Variants in DCBLD1 observed in about 807,000 individuals in gnomAD.
DCBLD1 encodes discoidin, CUB and LCCL domain-containing protein 1.
Under a neutral mutation model 71.5 loss-of-function variants are expected in DCBLD1, and 57 were observed. That is an observed-to-expected ratio of 0.80 (90% CI 0.64 to 0.99). The LOEUF is 0.99. Ranked by LOEUF, DCBLD1 falls within the 50% of genes least tolerant of loss-of-function variation. The pLI, the probability that DCBLD1 is intolerant of heterozygous loss-of-function variation, is 0.00. For synonymous variants in DCBLD1, 380 were observed against 363.8 expected (o/e 1.04, Z -0.51); for missense variants, 891 against 923.5 (o/e 0.96, Z 0.46).
intron 2 of DCBLD1, among the ~76,000 whole-genome samples, chr6:117,510,381 A>ACACACACACACACACGTAAAAGTAAACC (rs1321816524): frequency 6.6e-6 from 1 of 151,776 alleles, no homozygotes; most frequent in African/African-American, 2.4e-5. Flanking sequence ...ACACACACAC[A>ACACACACACACACACGTAAAAGTAAACC]CGTAAAAGTA....
chr6:117,559,233 C>G (rs1173509310), intron 14 of DCBLD1, among the ~76,000 whole-genome samples: 1 of 152,150 alleles, frequency 6.6e-6, no homozygotes, highest in Non-Finnish European at 1.5e-5. Flanking sequence ...TGCTGTGCAA[C>G]AGATTTATTA....
At chr6:117,531,792 G>C (rs1225708480) in intron 5 of DCBLD1, among the ~76,000 whole-genome samples, 1 of 152,186 alleles carries the variant, frequency 6.6e-6, no homozygotes, top group Non-Finnish European at 1.5e-5. Flanking sequence ...TGATAACTTG[G>C]CATGTGTGTC....
chr6:117,525,629 G>C (rs538764350), intron 5 of DCBLD1, among the ~76,000 whole-genome samples, 195 bp downstream of exon 5: 1 of 152,200 alleles, frequency 6.6e-6, no homozygotes, highest in African/African-American at 2.4e-5. Context: ...AGCATTTCCA[G>C]CTAAGCTTAC....
Position 117,548,110 on chromosome 6 carries a change from C to T in DCBLD1, c.1819C>T (p.Arg607Trp). 1.3e-6 allele frequency: 2 copies of T among 1,549,592 alleles called. No homozygotes were observed. The highest frequency in any genetic ancestry group is 8.7e-7 in the Non-Finnish European group (1 of 1,146,494). Residue 607 changes from arginine (R) to tryptophan (W), a missense_variant, in exon 15 of 15, where the codon CGG becomes TGG. Physicochemically the swap from Arg to Trp is moderately radical, Grantham distance 101 (BLOSUM62 -3). Coordinates refer to ENST00000338728, the MANE Select transcript of DCBLD1 (RefSeq NM_001366458.2). ...EPEYATPIVE[R>W]HVLRAHTFSA... ...CGAGTACGCCACGCCCATCGTGGAG[C>T]GGCACGTGCTGCGCGCCCACACGTT... is the stretch of plus-strand genomic sequence containing the variant.
At chr6:117,540,845 T>G in intron 10 of DCBLD1, 30 bp downstream of exon 10, 1 of 1,614,166 alleles carries the variant, frequency 6.2e-7, no homozygotes. Context: ...AGTGAGTTAC[T>G]CAAGTTTGGT....
At chr6:117,559,060 C>CAA (rs1022410939) in intron 14 of DCBLD1, among the ~76,000 whole-genome samples, 1 of 152,164 alleles carries the variant, frequency 6.6e-6, no homozygotes, top group African/African-American at 2.4e-5. Flanking sequence ...GATTTTGTGC[C>CAA]AACGACTAGA....
chr6:117,488,309 T>C (rs528249070), intron 1 of DCBLD1, among the ~76,000 whole-genome samples: 1 of 152,272 alleles, frequency 6.6e-6, no homozygotes, highest in South Asian at 2.1e-4. Flanking sequence ...ATTGTATATA[T>C]GACTATTGTG....
chr6:117,504,960 A>G (rs548278055), intron 2 of DCBLD1, among the ~76,000 whole-genome samples: 1 of 152,266 alleles, frequency 6.6e-6, no homozygotes, highest in East Asian at 1.9e-4. Flanking sequence ...TGACCTTTGC[A>G]CCCAGAGTTG....
In DCBLD1 at chr6:117,543,136, C is replaced by G. The variant is rs771762443; in HGVS notation, c.1370C>G (p.Thr457Arg). 3.7e-6 allele frequency: 6 copies of G among 1,614,008 alleles called. No homozygotes were observed. The highest frequency in any genetic ancestry group is 4.2e-6 in the Non-Finnish European group (5 of 1,179,904). The change falls in exon 12 of 15, where the codon ACA (threonine) becomes AGA (arginine). Residue 457 changes from threonine to arginine, a missense_variant. Transcript: ENST00000338728. ...CCGTCTTCTTTAGGAATAAACATTA[C>G]AACGGTGGCTATTCCATTGGTGCTC... ...SEETSTGINI[T>R]TVAIPLVLLV... is the part of the protein sequence containing the mutation.
chr6:117,552,287 G>A (rs1779440178), downstream of DCBLD1, among the ~76,000 whole-genome samples: 1 of 152,118 alleles, frequency 6.6e-6, no homozygotes, highest in African/African-American at 2.4e-5. Context: ...TTATAAAAGG[G>A]CTGTTGTGCA....
chr6:117,556,162 T>C (rs1316440421), intron 14 of DCBLD1, among the ~76,000 whole-genome samples: 1 of 152,242 alleles, frequency 6.6e-6, no homozygotes, highest in Non-Finnish European at 1.5e-5. Flanking sequence ...AGTGTCGGCC[T>C]ATATTTTATC....
At chr6:117,553,536 T>A (rs996820062), downstream of DCBLD1, among the ~76,000 whole-genome samples, 1 of 152,218 alleles carries the variant, frequency 6.6e-6, no homozygotes, top group Non-Finnish European at 1.5e-5. Flanking sequence ...TCCCTTAATA[T>A]ACTAAGCCCT....
chr6:117,550,475 A>C (rs1402173105), downstream of DCBLD1, among the ~76,000 whole-genome samples: 3 of 152,218 alleles, frequency 2.0e-5, no homozygotes, highest in Non-Finnish European at 2.9e-5. Context: ...ACTGGGAGGC[A>C]AAGATTGTAT....
At chr6:117,566,516 G>A (rs1040400262) in intron 14 of DCBLD1, among the ~76,000 whole-genome samples, 1 of 152,088 alleles carries the variant, frequency 6.6e-6, no homozygotes, top group African/African-American at 2.4e-5. Flanking sequence ...TTTGCATCAA[G>A]ACAGACAGAC....
At chr6:117,560,109 A>G (rs1271078251) in intron 14 of DCBLD1, among the ~76,000 whole-genome samples, 2 of 152,220 alleles carry the variant, frequency 1.3e-5, no homozygotes, top group Non-Finnish European at 2.9e-5. Context: ...TAGTATCTTA[A>G]AAACAGGATT....
chr6:117,535,528 A>G (rs535093707), intron 6 of DCBLD1, among the ~76,000 whole-genome samples: 1 of 152,274 alleles, frequency 6.6e-6, no homozygotes, highest in African/African-American at 2.4e-5. Flanking sequence ...AATTCGTTCA[A>G]TGGAATGAAA....
Position 117,548,928 on chromosome 6 carries a change from T to C in DCBLD1, c.*489T>C, listed in dbSNP as rs996327944. Reference sequence around the variant, plus strand: ...CAGCAGGTCTGCTTAAACCTAGTCTTGTTGTTATTGAGTCATTTCCTCTCC... The same window carrying C: ...CAGCAGGTCTGCTTAAACCTAGTCTCGTTGTTATTGAGTCATTTCCTCTCC... On this transcript the variant is annotated 3_prime_UTR_variant, in exon 15 of 15. Coordinates refer to ENST00000338728, the MANE Select transcript of DCBLD1 (RefSeq NM_001366458.2). 1 of 990,244 alleles carries C rather than the reference T, an allele frequency of 1.0e-6. No individual in the cohort carries two copies. Among genetic ancestry groups the C allele is most frequent in the African/African-American group, 1.7e-5 (1 of 57,280 alleles). The allele number at this position is 990,244 out of a possible 1,614,324, so 61.3% of individuals were successfully genotyped here.
intron 2 of DCBLD1, among the ~76,000 whole-genome samples, chr6:117,511,968 C>T (rs1778038335): frequency 6.6e-6 from 1 of 152,116 alleles, no homozygotes; most frequent in African/African-American, 2.4e-5. Context: ...TTTTATTTTG[C>T]CTTTTATGCC....
chr6:117,543,175 T>C lies in DCBLD1; in HGVS notation c.1409T>C (p.Val470Ala). The C allele has an allele frequency of 1.2e-6, 2 of 1,614,170 alleles. No homozygotes were observed. Among genetic ancestry groups the C allele is most frequent in the East Asian group, 4.5e-5 (2 of 44,876 alleles). The change falls in exon 12 of 15, where the codon GTG (valine) becomes GCG (alanine). Residue 470 changes from valine (V) to alanine (A), a missense_variant. Val to Ala is a moderately conservative substitution (Grantham distance 64). Coordinates refer to ENST00000338728, the MANE Select transcript of DCBLD1 (RefSeq NM_001366458.2). The stretch of plus-strand genomic sequence containing the variant: ...CCATTGGTGCTCCTTGTTGTCCTGG[T>C]GTTTGCTGGAATGGGGATCTTTGCA... ...AIPLVLLVVL[V>A]FAGMGIFAAF...
Sources: allele counts gnomAD v4.1 joint callset (sites outside exome capture counted in the v4.1 genomes callset), GRCh38; gene constraint gnomAD v4.1.1; transcripts MANE v1.5; gene names NCBI Gene and HGNC (gene_info 2026-07-23, HGNC 2026-07-21).